Variants in CSMD1 observed in about 807,000 individuals in gnomAD.
CSMD1 encodes CUB and sushi domain-containing protein 1.
Under a neutral mutation model 417.5 loss-of-function variants are expected in CSMD1, and 213 were observed. The ratio of observed to expected loss-of-function variants is 0.51; its 90% CI spans 0.46 to 0.57. The LOEUF is 0.57. Among genes scored for constraint, CSMD1 ranks in the 20% least tolerant of loss-of-function variants. The probability of loss-of-function intolerance (pLI) is 0.00; values close to 1 mark genes in which losing one functional copy is unlikely to be tolerated. For synonymous variants in CSMD1, 2,862 were observed against 1,736.8 expected (o/e 1.65, Z -16.11); for missense variants, 6,923 against 4,529.7 (o/e 1.53, Z -15.17).
chr8:3,416,586 C>G lies in CSMD1; in HGVS notation c.1562-6981G>C, dbSNP rs73657871. Among the ~76,000 whole-genome samples, 3 of 152,298 alleles carry G rather than the reference C, an allele frequency of 2.0e-5. No homozygotes were observed. The East Asian group carries it at 5.8e-4, about 29-fold the overall frequency. ...CATAGTTAGCACGCTTGCTTGTTTCCTTTTGTGTAGTCAACCATGGGTGTC... is the reference window on the plus strand; with the variant it reads ...CATAGTTAGCACGCTTGCTTGTTTCGTTTTGTGTAGTCAACCATGGGTGTC... On this transcript the variant is annotated intron_variant, in intron 12 of 69. Transcript: ENST00000635120.
intron 4 of CSMD1, among the ~76,000 whole-genome samples, chr8:4,031,074 A>G (rs967355236): frequency 6.6e-6 from 1 of 152,148 alleles, no homozygotes; most frequent in Non-Finnish European, 1.5e-5. Context: ...ACAAGTCTCT[A>G]GAGAATTCCA....
intron 3 of CSMD1, among the ~76,000 whole-genome samples, chr8:4,403,659 C>T (rs1446485680): frequency 6.6e-6 from 1 of 152,144 alleles, no homozygotes; most frequent in African/African-American, 2.4e-5. Flanking sequence ...GTTTTCATCT[C>T]TCTAGAGTCT....
intron 3 of CSMD1, among the ~76,000 whole-genome samples, chr8:4,135,078 T>C (rs901166904): frequency 6.6e-6 from 1 of 151,988 alleles, no homozygotes; most frequent in Admixed American, 6.6e-5. Flanking sequence ...TCACATAGAA[T>C]GAAAAAAAAT....
intron 5 of CSMD1, among the ~76,000 whole-genome samples, chr8:3,807,372 C>T (rs550585465): frequency 6.6e-6 from 1 of 152,072 alleles, no homozygotes; most frequent in African/African-American, 2.4e-5. Flanking sequence ...TGGGAATATT[C>T]CCAAGCCCTT....
chr8:3,926,009 G>A (rs866349086), intron 5 of CSMD1, among the ~76,000 whole-genome samples: 4 of 96,522 alleles, frequency 4.1e-5, no homozygotes, highest in Admixed American at 3.6e-4. Context: ...TTGTCTATTT[G>A]TCTATACACA....
chr8:3,556,931 C>G (rs1799182621), intron 10 of CSMD1, among the ~76,000 whole-genome samples: 1 of 152,122 alleles, frequency 6.6e-6, no homozygotes, highest in African/African-American at 2.4e-5. Flanking sequence ...AGTTTTCAAA[C>G]ACACACATAA....
At chr8:3,975,970 G>C (rs1264488759) in intron 5 of CSMD1, among the ~76,000 whole-genome samples, 1 of 151,914 alleles carries the variant, frequency 6.6e-6, no homozygotes, top group East Asian at 1.9e-4. Context: ...ATTAAAATCA[G>C]TTTTTAATCT....
intron 5 of CSMD1, among the ~76,000 whole-genome samples, chr8:3,923,794 T>C (rs1366781383): frequency 6.6e-6 from 1 of 152,198 alleles, no homozygotes; most frequent in Non-Finnish European, 1.5e-5. Flanking sequence ...AGCTCATAGT[T>C]ACCACTGTTC....
chr8:3,605,211 C>T (rs892673619), intron 8 of CSMD1, among the ~76,000 whole-genome samples: 11 of 152,270 alleles, frequency 7.2e-5, no homozygotes, highest in Admixed American at 4.6e-4. Context: ...AGGCTGGTCT[C>T]GAGCTCCTGA....
In CSMD1 at chr8:3,320,684, T is replaced by C. The variant is rs573610168; in HGVS notation, c.3632-12181A>G. 2.0e-5 allele frequency among the ~76,000 whole-genome samples: 3 copies of C among 152,290 alleles called. No homozygotes were observed. The South Asian group carries it at 6.2e-4, about 32-fold the overall frequency. The stretch of plus-strand genomic sequence containing the variant: ...CAAGAGCGCAGTTCCTCCTTTTCCA[T>C]ATCTCATTCTTTGAAAGAATTTCTG... On this transcript the variant is annotated intron_variant, in intron 23 of 69. Transcript: ENST00000635120.
At chr8:3,333,048 C>CG (rs1807012330) in intron 23 of CSMD1, among the ~76,000 whole-genome samples, 1 of 152,162 alleles carries the variant, frequency 6.6e-6, no homozygotes, top group Non-Finnish European at 1.5e-5. Flanking sequence ...AGCAAGGACA[C>CG]GCCCTGCCCA....
intron 1 of CSMD1, among the ~76,000 whole-genome samples, chr8:4,731,001 T>C (rs567160864): frequency 2.0e-5 from 3 of 152,134 alleles, no homozygotes; most frequent in Non-Finnish European, 2.9e-5. Context: ...TTCTATGTCA[T>C]GGTTTTAAAG....
intron 1 of CSMD1, among the ~76,000 whole-genome samples, chr8:4,840,610 G>A (rs1800786272): frequency 6.6e-6 from 1 of 152,124 alleles, no homozygotes; most frequent in Non-Finnish European, 1.5e-5. Context: ...GCTTAACACA[G>A]CAGAATTACA....
chr8:3,375,663 T>A (rs533177188), intron 18 of CSMD1, among the ~76,000 whole-genome samples: 1 of 152,086 alleles, frequency 6.6e-6, no homozygotes, highest in East Asian at 1.9e-4. Context: ...GGGGAGTAAA[T>A]TGGGGCAGTC....
intron 26 of CSMD1, among the ~76,000 whole-genome samples, chr8:3,244,695 C>T (rs1227568127): frequency 6.6e-6 from 1 of 152,162 alleles, no homozygotes; most frequent in African/African-American, 2.4e-5. Context: ...CTTTATCACC[C>T]TGGACGGTGA....
chr8:3,421,504 C>G (rs1299913026), intron 12 of CSMD1, among the ~76,000 whole-genome samples: 1 of 152,190 alleles, frequency 6.6e-6, no homozygotes. Flanking sequence ...TAGAGGAGTT[C>G]TCACTATGAA....
chr8:4,490,956 G>C (rs1585159209), intron 2 of CSMD1, among the ~76,000 whole-genome samples: 1 of 152,186 alleles, frequency 6.6e-6, no homozygotes, highest in African/African-American at 2.4e-5. Flanking sequence ...AGAAACAAGA[G>C]AACTGTTATG....
intron 11 of CSMD1, among the ~76,000 whole-genome samples, chr8:3,478,338 A>G (rs907152230): frequency 6.6e-6 from 1 of 152,240 alleles, no homozygotes; most frequent in Non-Finnish European, 1.5e-5. Flanking sequence ...ACTAAAGCCC[A>G]ACGTGATGCT....
At chr8:4,448,844 T>C (rs1416607969) in intron 2 of CSMD1, among the ~76,000 whole-genome samples, 1 of 151,722 alleles carries the variant, frequency 6.6e-6, no homozygotes, top group African/African-American at 2.4e-5. Flanking sequence ...AATTTCTCTA[T>C]CTTCTTTCTG....
Sources: allele counts gnomAD v4.1 joint callset (sites outside exome capture counted in the v4.1 genomes callset), GRCh38; gene constraint gnomAD v4.1.1; transcripts MANE v1.5; gene names NCBI Gene and HGNC (gene_info 2026-07-23, HGNC 2026-07-21).